The following TCF20 variants were observed in gnomAD, a reference collection of about 807,000 sequenced individuals.
TCF20 encodes the protein transcription factor 20.
Under a neutral mutation model 148.6 loss-of-function variants are expected in TCF20, and 3 were observed. That is an observed-to-expected ratio of 0.02 (90% CI 0.01 to 0.05). The LOEUF (loss-of-function observed/expected upper bound fraction) is 0.05, where lower values mean the gene tolerates loss of function less well. Among genes scored for constraint, TCF20 ranks in the 10% least tolerant of loss-of-function variants. The pLI, the probability that TCF20 is intolerant of heterozygous loss-of-function variation, is 1.00. For synonymous variants in TCF20, 1,049 were observed against 909.5 expected (o/e 1.15, Z -2.76); for missense variants, 2,350 against 2,429.3 (o/e 0.97, Z 0.69).
At chr22:42,270,718 G>GAGGGCGCGCGGC (rs1255479188), upstream of TCF20, among the ~76,000 whole-genome samples, 2 of 143,366 alleles carry the variant, frequency 1.4e-5, no homozygotes, top group Non-Finnish European at 3.1e-5. Context: ...GGGCGGGCGG[G>GAGGGCGCGCGGC]AGGGCGCGCG....
chr22:42,223,008 G>C (rs1247924261), intron 1 of TCF20, among the ~76,000 whole-genome samples: 1 of 152,112 alleles, frequency 6.6e-6, no homozygotes, highest in African/African-American at 2.4e-5. Flanking sequence ...AATTAGCTGG[G>C]TGTGCTGGCT....
Position 42,210,614 on chromosome 22 carries a change from T to C in TCF20, c.4692A>G (p.Pro1564=), listed in dbSNP as rs1017846107. 3.1e-6 allele frequency: 5 copies of C among 1,614,036 alleles called. No individual in the cohort carries two copies. The Admixed American group carries it at 6.7e-5, about 22-fold the overall frequency. ...CATCTGCAGAACCTTCTGGTATCTGTGGGGGCTGAGGGGGTGGAGGCGGTG... is the reference window on the plus strand; with the variant it reads ...CATCTGCAGAACCTTCTGGTATCTGCGGGGGCTGAGGGGGTGGAGGCGGTG... ...QQPPPPPPQP[P]QIPEGSADGE... Residue 1564 remains proline (P), a synonymous_variant, in exon 2 of 6, where the codon CCA becomes CCG. Transcript: ENST00000677622. The surrounding 1 kb of genome is among the most constrained non-coding windows in gnomAD (Gnocchi z 4.7).
At chr22:42,199,362 CAT>C (rs1274213965) in intron 2 of TCF20, among the ~76,000 whole-genome samples, 2 of 152,138 alleles carry the variant, frequency 1.3e-5, no homozygotes, top group South Asian at 2.1e-4. Context: ...CCCATTTCAC[CAT>C]AGAGTCATGT....
intron 1 of TCF20, among the ~76,000 whole-genome samples, chr22:42,250,661 A>C (rs1283044711): frequency 3.3e-5 from 5 of 152,198 alleles, no homozygotes; most frequent in African/African-American, 1.2e-4. Flanking sequence ...CACCCATGCA[A>C]CTACGGTTAG....
At chr22:42,247,506 A>G (rs144789608) in intron 1 of TCF20, among the ~76,000 whole-genome samples, 163 of 152,114 alleles carry the variant, frequency 1.1e-3, no homozygotes, top group African/African-American at 3.8e-3. Flanking sequence ...CCTGGAAATA[A>G]AGGCACCTCT....
At chr22:42,259,089 C>G (rs1294535807) in intron 1 of TCF20, among the ~76,000 whole-genome samples, 5 of 152,222 alleles carry the variant, frequency 3.3e-5, no homozygotes, top group Non-Finnish European at 7.3e-5. Flanking sequence ...TCTACTGCCT[C>G]TGACACGAAA....
intron 1 of TCF20, among the ~76,000 whole-genome samples, chr22:42,251,492 CTTTTTTTTTTT>C (rs71184878): frequency 4.0e-4 from 19 of 47,026 alleles, no homozygotes; most frequent in South Asian, 3.2e-3. Context: ...AAACAAGTGT[CTTTTTTTTTTT>C]TTTTTTTTTT....
Position 42,211,937 on chromosome 22 carries a change from T to C in TCF20, c.3369A>G (p.Pro1123=), listed in dbSNP as rs1234652617. Residue 1123 remains proline, a synonymous_variant, in exon 2 of 6, where the codon CCA becomes CCG. Transcript: ENST00000677622. ...CTCTGTCAAGAAACTGCTGCTGCCT[T>C]GGACTCTTCCGTGGCCCCTCCTGCC... The part of the protein sequence containing the change: ...QHRQEGPRKS[P]RQQQFLDRVR... 6 of 1,614,096 alleles carry C rather than the reference T, an allele frequency of 3.7e-6. No individual in the cohort carries two copies. The highest frequency in any genetic ancestry group is 1.1e-5 in the South Asian group (1 of 91,088).
intron 5 of TCF20, among the ~76,000 whole-genome samples, chr22:42,167,713 A>G (rs1474631051): frequency 4.6e-5 from 7 of 151,796 alleles, no homozygotes; most frequent in Non-Finnish European, 1.0e-4. Flanking sequence ...AGCACAACTC[A>G]ATCACAAGAA....
chr22:42,243,578 G>A (rs542463505), intron 1 of TCF20, among the ~76,000 whole-genome samples: 5 of 152,108 alleles, frequency 3.3e-5, no homozygotes, highest in Non-Finnish European at 7.4e-5. Context: ...CTCCAGCCTG[G>A]GCAACAGAGC....
At chr22:42,191,082 AGTTAAATCCAATCTAT>A (rs1464643562) in intron 2 of TCF20, among the ~76,000 whole-genome samples, 4 of 152,228 alleles carry the variant, frequency 2.6e-5, no homozygotes, top group Admixed American at 2.6e-4. Flanking sequence ...CCTCAATTTA[AGTTAAATCCAATCTAT>A]GTCCCCCTTC....
chr22:42,278,899 C>T (rs980093332), intron 1 of TCF20: 1 of 152,280 alleles, frequency 6.6e-6, no homozygotes, highest in Non-Finnish European at 1.5e-5. Context: ...CCTTAAGCAA[C>T]CCCATGTCCT....
intron 1 of TCF20, among the ~76,000 whole-genome samples, chr22:42,341,468 C>T (rs965617906): frequency 2.0e-5 from 3 of 152,050 alleles, no homozygotes; most frequent in African/African-American, 7.2e-5. Context: ...ACCGTCCCAG[C>T]GAATCCAGGT....
At chr22:42,267,404 A>T (rs1370548559) in intron 1 of TCF20, among the ~76,000 whole-genome samples, 1 of 151,810 alleles carries the variant, frequency 6.6e-6, no homozygotes, top group Non-Finnish European at 1.5e-5. Context: ...GTGGCTATAT[A>T]AAAGTGTCTA....
intron 1 of TCF20, among the ~76,000 whole-genome samples, chr22:42,330,813 A>G (rs1927960439): frequency 6.6e-6 from 1 of 152,194 alleles, no homozygotes; most frequent in African/African-American, 2.4e-5. Context: ...TTGAAGCTGC[A>G]AGGTCACCAA....
intron 1 of TCF20, among the ~76,000 whole-genome samples, chr22:42,232,635 G>C (rs963720624): frequency 1.3e-5 from 2 of 151,872 alleles, no homozygotes; most frequent in African/African-American, 4.8e-5. Context: ...AGACCATCCT[G>C]TCTAACACGG....
chr22:42,264,916 A>G (rs1926203369), intron 1 of TCF20, among the ~76,000 whole-genome samples: 1 of 152,252 alleles, frequency 6.6e-6, no homozygotes, highest in African/African-American at 2.4e-5. Flanking sequence ...AGTGGAAACC[A>G]TCTTCCAATC....
chr22:42,329,921 G>A (rs1222416449), intron 1 of TCF20, among the ~76,000 whole-genome samples: 1 of 152,182 alleles, frequency 6.6e-6, no homozygotes, highest in Non-Finnish European at 1.5e-5. Context: ...CTCACCAGGG[G>A]CCACCAAGTT....
intron 1 of TCF20, among the ~76,000 whole-genome samples, chr22:42,247,111 AT>A (rs1202738973): frequency 1.3e-5 from 2 of 152,112 alleles, no homozygotes; most frequent in Non-Finnish European, 2.9e-5. Context: ...GAAAAGTAAC[AT>A]TTGAGAAAGG....
Sources: allele counts gnomAD v4.1 joint callset (sites outside exome capture counted in the v4.1 genomes callset), GRCh38; gene constraint gnomAD v4.1.1; non-coding constraint Gnocchi (gnomAD v3.1); transcripts MANE v1.5; gene names NCBI Gene and HGNC (gene_info 2026-07-23, HGNC 2026-07-21).